STK39: variants seen among roughly 807,000 people sequenced by gnomAD.
The protein encoded by STK39 is STE20/SPS1-related proline-alanine-rich protein kinase.
STK39 carries 20 observed loss-of-function variants against 77.8 expected under a neutral mutation model. The observed-to-expected ratio is 0.26, with a 90% CI of 0.18 to 0.37. STK39 has a LOEUF of 0.37. Among genes scored for constraint, STK39 ranks in the 10% least tolerant of loss-of-function variants. STK39 has a pLI of 1.00. For synonymous variants in STK39, 246 were observed against 234.1 expected, an observed-to-expected ratio of 1.05 and a Z score of -0.47; for missense variants, 479 against 656.5, an observed-to-expected ratio of 0.73 and a Z score of 2.95.
chr2:168,187,872 G>C (rs574548425), intron 1 of STK39, among the ~76,000 whole-genome samples: 98 of 152,048 alleles, frequency 6.4e-4, no homozygotes, highest in Non-Finnish European at 1.1e-3. Context: ...CCCATAAATG[G>C]CAAGATTTTT....
chr2:167,957,989 G>A lies in STK39; in HGVS notation c.1564-2419C>T, dbSNP rs181134343. Among the ~76,000 whole-genome samples the A allele has an allele frequency of 7.9e-4, 120 of 152,272 alleles. 1 individual carries two copies. Among genetic ancestry groups the A allele is most frequent in the Non-Finnish European group, 2.6e-4 (18 of 68,030 alleles). On this transcript the variant is annotated intron_variant, in intron 17 of 17. Transcript: ENST00000355999. ...CCTTTGGCTGTGTTTGCTTCAAGGC[G>A]CTCAGCCCTCCTTCCTCTGCTACCT...
At chr2:168,242,570 T>C (rs1452006860) in intron 1 of STK39, among the ~76,000 whole-genome samples, 1 of 55,922 alleles carries the variant, frequency 1.8e-5, no homozygotes, top group Non-Finnish European at 3.0e-5. Context: ...AATATATATA[T>C]ATATATATAT....
intron 14 of STK39, among the ~76,000 whole-genome samples, chr2:168,042,905 AG>A (rs1377881997): frequency 1.3e-5 from 2 of 152,148 alleles, no homozygotes; most frequent in Non-Finnish European, 2.9e-5. Context: ...GGAGCTTTGC[AG>A]GGTCCATAGA....
At chr2:168,084,252 G>A (rs1005512378) in intron 10 of STK39, among the ~76,000 whole-genome samples, 1 of 152,158 alleles carries the variant, frequency 6.6e-6, no homozygotes, top group African/African-American at 2.4e-5. Context: ...AGGACTTGAG[G>A]ATAACAAAGG....
chr2:168,140,600 G>A, intron 6 of STK39, 49 bp downstream of exon 6: 1 of 1,428,074 alleles, frequency 7.0e-7, no homozygotes, highest in South Asian at 1.2e-5. Context: ...TTAATGATCT[G>A]TACGATTGTA....
At chr2:168,190,372 G>A (rs185178801) in intron 1 of STK39, among the ~76,000 whole-genome samples, 2 of 152,290 alleles carry the variant, frequency 1.3e-5, no homozygotes, top group East Asian at 3.9e-4. Flanking sequence ...TCGCTGTGGG[G>A]GATGTGGCAG....
At chr2:167,970,530 A>T (rs919346653) in intron 16 of STK39, among the ~76,000 whole-genome samples, 2 of 152,218 alleles carry the variant, frequency 1.3e-5, no homozygotes, top group African/African-American at 4.8e-5. Flanking sequence ...CCAAATTGAG[A>T]CTCTCTGAAA....
intron 1 of STK39, among the ~76,000 whole-genome samples, chr2:168,243,764 T>G (rs1038317288): frequency 2.0e-5 from 3 of 152,204 alleles, no homozygotes; most frequent in African/African-American, 7.2e-5. Context: ...AAGTAAACAC[T>G]TATATGATTC....
Position 168,186,415 on chromosome 2 carries a change from A to G in STK39, c.209-4325T>C, listed in dbSNP as rs576694990. On this transcript the variant is annotated intron_variant, in intron 1 of 17. Transcript: ENST00000355999. ...CAAAGTCATTCTTCCACTAACACCT[A>G]TGGCAGAGAATGCCATACTAATTAG... Among the ~76,000 whole-genome samples, 6 of 152,348 alleles carry G rather than the reference A, an allele frequency of 3.9e-5. No individual in the cohort carries two copies. The South Asian group carries it at 1.0e-3, about 26-fold the overall frequency.
chr2:168,184,315 T>G (rs1172639533), intron 1 of STK39, among the ~76,000 whole-genome samples: 1 of 152,216 alleles, frequency 6.6e-6, no homozygotes, highest in African/African-American at 2.4e-5. Context: ...GCTTTACAAC[T>G]ACAGCTAACT....
intron 16 of STK39, among the ~76,000 whole-genome samples, chr2:168,002,410 C>A (rs918851134): frequency 1.3e-4 from 20 of 152,150 alleles, no homozygotes; most frequent in African/African-American, 4.3e-4. Context: ...TCCCCATCCC[C>A]AAATCGGAAG....
At chr2:168,149,915 A>C (rs958457254) in intron 5 of STK39, among the ~76,000 whole-genome samples, 4 of 152,256 alleles carry the variant, frequency 2.6e-5, no homozygotes, top group African/African-American at 9.6e-5. Context: ...AAAATAGCAC[A>C]CTTCTAGGAA....
intron 10 of STK39, among the ~76,000 whole-genome samples, chr2:168,114,278 T>C (rs375012587): frequency 3.3e-5 from 5 of 152,296 alleles, no homozygotes; most frequent in Admixed American, 6.5e-5. Flanking sequence ...TTCACTAACC[T>C]TAGACAATAA....
At chr2:167,999,408 T>G (rs1306112171) in intron 16 of STK39, among the ~76,000 whole-genome samples, 3 of 152,204 alleles carry the variant, frequency 2.0e-5, no homozygotes, top group African/African-American at 7.2e-5. Context: ...GACCCTGTTT[T>G]GTTAATCAGG....
chr2:168,226,881 G>C (rs982062710), intron 1 of STK39, among the ~76,000 whole-genome samples: 2 of 151,952 alleles, frequency 1.3e-5, no homozygotes, highest in South Asian at 2.1e-4. Flanking sequence ...ATAAAAACTT[G>C]GAAACAATCA....
chr2:168,194,235 G>A (rs1197630836), intron 1 of STK39, among the ~76,000 whole-genome samples: 4 of 152,050 alleles, frequency 2.6e-5, no homozygotes, highest in Non-Finnish European at 2.9e-5. Context: ...CCAATACAGC[G>A]AAACCCCTTC....
chr2:168,236,767 G>A (rs1337893986), intron 1 of STK39, among the ~76,000 whole-genome samples: 6 of 152,018 alleles, frequency 3.9e-5, no homozygotes, highest in Admixed American at 6.6e-5. Context: ...GTAGATATGC[G>A]GCATTATTTC....
intron 5 of STK39, among the ~76,000 whole-genome samples, 155 bp downstream of exon 5, chr2:168,161,632 G>A (rs78341454): frequency 1.3e-5 from 2 of 152,078 alleles, no homozygotes; most frequent in Admixed American, 6.5e-5. Flanking sequence ...AAACAATAAG[G>A]AAAATATGTT....
chr2:168,064,456 G>A (rs1685743547), intron 13 of STK39, among the ~76,000 whole-genome samples: 2 of 152,198 alleles, frequency 1.3e-5, no homozygotes, highest in South Asian at 4.2e-4. Flanking sequence ...GACTATGGGG[G>A]AGCCACTTCA....
Sources: gnomAD v4.1 joint callset for allele counts (sites outside exome capture counted in the v4.1 genomes callset) on GRCh38, gnomAD v4.1.1 for gene constraint, MANE v1.5 for transcripts, NCBI Gene and HGNC (gene_info 2026-07-23, HGNC 2026-07-21) for gene names.